The following ARSB variants were observed in gnomAD, a reference collection of about 807,000 sequenced individuals.
ARSB encodes N-acetylgalactosamine-4-sulfatase.
ARSB carries 41 observed loss-of-function variants against 50.9 expected under a neutral mutation model. That is an observed-to-expected ratio of 0.81 (90% confidence interval 0.63 to 1.04). The LOEUF is 1.04. Among genes scored for constraint, ARSB ranks in the 50% least tolerant of loss-of-function variants. The pLI is 0.00. For missense variants in ARSB, 672 were observed against 693.3 expected, an observed-to-expected ratio of 0.97 and a Z score of 0.35; for synonymous variants, 269 against 284.8, an observed-to-expected ratio of 0.94 and a Z score of 0.56.
At chr5:78,851,083 A>G (rs1234626040) in intron 5 of ARSB, among the ~76,000 whole-genome samples, 1 of 151,944 alleles carries the variant, frequency 6.6e-6, no homozygotes. Flanking sequence ...GATCTTAGTT[A>G]TTTCTTGCCT....
At chr5:78,802,554 A>G (rs1234089939) in intron 6 of ARSB, among the ~76,000 whole-genome samples, 4 of 152,234 alleles carry the variant, frequency 2.6e-5, no homozygotes, top group Non-Finnish European at 5.9e-5. Context: ...GAGAGAACAG[A>G]GCAGCAGGCT....
intron 6 of ARSB, among the ~76,000 whole-genome samples, chr5:78,804,811 G>C (rs906754613): frequency 2.0e-5 from 3 of 152,206 alleles, no homozygotes; most frequent in Non-Finnish European, 4.4e-5. Context: ...TGCACGCTGA[G>C]GGAATGGGCA....
Position 78,885,172 on chromosome 5 carries a change from G to C in ARSB, c.1142+412C>G, listed in dbSNP as rs73126633. The C allele has an allele frequency of 7.7e-3, 1,593 of 205,870 alleles. 34 individuals carry two copies. Among genetic ancestry groups the C allele is most frequent in the African/African-American group, 0.034 (1,485 of 43,564 alleles). The allele number at this position is 205,870 out of a possible 1,614,324, so 12.8% of individuals were successfully genotyped here. Reference sequence around the variant, plus strand: ...CATAGTAGGTGCTTGTTAGATACTTGCTAATAAATGGAAATAAACATATCC... The same window carrying C: ...CATAGTAGGTGCTTGTTAGATACTTCCTAATAAATGGAAATAAACATATCC... On this transcript the variant is annotated intron_variant, in intron 5 of 7. Transcript: ENST00000264914.
intron 6 of ARSB, among the ~76,000 whole-genome samples, chr5:78,800,604 T>C (rs1743350932): frequency 6.6e-6 from 1 of 152,260 alleles, no homozygotes; most frequent in Admixed American, 6.5e-5. Flanking sequence ...CAGAAAAACA[T>C]TAAATTAATT....
intron 4 of ARSB, among the ~76,000 whole-genome samples, chr5:78,937,266 T>C (rs961013227): frequency 7.1e-6 from 1 of 141,494 alleles, no homozygotes; most frequent in Non-Finnish European, 1.5e-5. Context: ...TATATATATA[T>C]CTTACATATA....
At chr5:78,937,975 A>AC (rs1173580450) in intron 4 of ARSB, among the ~76,000 whole-genome samples, 1 of 152,186 alleles carries the variant, frequency 6.6e-6, no homozygotes, top group South Asian at 2.1e-4. Flanking sequence ...TATCTGCTAC[A>AC]CCCCCCACCC....
At position 78,955,520 on chromosome 5, in the gene ARSB, G is replaced by T; in HGVS notation, c.691-18C>A. ...AACAGAGGCTGGAAAGAAAGTTTGT[G>T]CAAACCAGTTAAGAGGATATTGAAG... is the stretch of plus-strand genomic sequence containing the variant. On this transcript the variant is annotated intron_variant, in intron 3 of 7. Coordinates refer to ENST00000264914, the MANE Select transcript of ARSB (RefSeq NM_000046.5). 1 of 1,604,588 alleles carries T rather than the reference G, an allele frequency of 6.2e-7. No homozygotes were observed. The highest frequency in any genetic ancestry group is 1.1e-5 in the South Asian group (1 of 90,824).
intron 5 of ARSB, among the ~76,000 whole-genome samples, chr5:78,853,300 T>C (rs572134602): frequency 1.6e-4 from 25 of 152,334 alleles, no homozygotes; most frequent in African/African-American, 5.8e-4. Context: ...TGCAGGTCTG[T>C]TGGAGTTTGC....
intron 1 of ARSB, among the ~76,000 whole-genome samples, chr5:78,971,746 T>A (rs927908494): frequency 6.6e-6 from 1 of 152,192 alleles, no homozygotes; most frequent in African/African-American, 2.4e-5. Context: ...TGGAATATCT[T>A]AAGTGTTAAG....
intron 5 of ARSB, among the ~76,000 whole-genome samples, chr5:78,840,187 G>C (rs753422272): frequency 6.6e-6 from 1 of 152,204 alleles, no homozygotes; most frequent in South Asian, 2.1e-4. Flanking sequence ...CATTTTGCTA[G>C]TGTAGACTCA....
intron 6 of ARSB, among the ~76,000 whole-genome samples, chr5:78,788,149 A>T (rs965025675): frequency 3.9e-5 from 6 of 152,098 alleles, no homozygotes; most frequent in Admixed American, 6.6e-5. Flanking sequence ...AAACAAACAA[A>T]TTTTTCTCGT....
chr5:78,833,028 G>A (rs996612931), intron 6 of ARSB, among the ~76,000 whole-genome samples: 2 of 152,168 alleles, frequency 1.3e-5, no homozygotes, highest in Non-Finnish European at 2.9e-5. Context: ...CCAAGATCAA[G>A]CCCGGCACCT....
In ARSB at chr5:78,985,143, C is replaced by T; in HGVS notation, c.106G>A (p.Gly36Ser). Residue 36 changes from glycine to serine, a missense_variant, in exon 1 of 8, where the codon GGC becomes AGC. Coordinates refer to ENST00000264914, the MANE Select transcript of ARSB (RefSeq NM_000046.5). ...GGCCGGCTGGCCCCGGCGCCCGAGC[C>T]CGGCGGCGCCAACAACAGCAGCAGC... ...LLLLLLLAPP[G>S]SGAGASRPPH... is the part of the protein sequence containing the mutation. 1 of 1,455,904 alleles carries T rather than the reference C, an allele frequency of 6.9e-7. No homozygotes were observed. Among genetic ancestry groups the T allele is most frequent in the Non-Finnish European group, 9.1e-7 (1 of 1,101,638 alleles). 90.2% of individuals were successfully genotyped at this position (1,455,904 alleles called of 1,614,324 possible).
intron 5 of ARSB, among the ~76,000 whole-genome samples, chr5:78,842,238 G>T (rs902065887): frequency 1.3e-5 from 2 of 152,146 alleles, no homozygotes; most frequent in Non-Finnish European, 2.9e-5. Context: ...CAATCTGGGG[G>T]CATGGGACAG....
At chr5:78,944,620 C>G (rs554294789) in intron 4 of ARSB, among the ~76,000 whole-genome samples, 1 of 152,312 alleles carries the variant, frequency 6.6e-6, no homozygotes, top group East Asian at 1.9e-4. Context: ...AATGTTGCTG[C>G]ATGATCATTC....
intron 3 of ARSB, among the ~76,000 whole-genome samples, chr5:78,960,687 C>T (rs1751941273): frequency 6.6e-6 from 1 of 152,132 alleles, no homozygotes; most frequent in Admixed American, 6.5e-5. Flanking sequence ...GCCTCAGCCT[C>T]CTGACTAGCT....
At chr5:78,936,533 A>C (rs1750610375) in intron 4 of ARSB, among the ~76,000 whole-genome samples, 1 of 151,930 alleles carries the variant, frequency 6.6e-6, no homozygotes, top group African/African-American at 2.4e-5. Flanking sequence ...CAAAATGTCA[A>C]GTTGCCCTTA....
In ARSB at chr5:78,802,441, C is replaced by A. The variant is rs185885567; in HGVS notation, c.1214-20467G>T. Among the ~76,000 whole-genome samples the A allele has an allele frequency of 3.5e-3, 538 of 152,234 alleles. 1 individual carries two copies. Among genetic ancestry groups the A allele is most frequent in the Middle Eastern group, 0.014 (4 of 294 alleles). On this transcript the variant is annotated intron_variant, in intron 6 of 7. Transcript: ENST00000264914. Reference sequence around the variant, plus strand: ...TGTACTGTTCATTCAGCACCTAGCACCGTGTGGGTGTTTGAGAAATATTAT... The same window carrying A: ...TGTACTGTTCATTCAGCACCTAGCAACGTGTGGGTGTTTGAGAAATATTAT...
At chr5:78,782,749 C>G (rs1748962787) in intron 6 of ARSB, among the ~76,000 whole-genome samples, 1 of 152,170 alleles carries the variant, frequency 6.6e-6, no homozygotes, top group Non-Finnish European at 1.5e-5. Flanking sequence ...GAGAATACAG[C>G]TTCAGATCTG....
Sources: gnomAD v4.1 joint callset for allele counts (sites outside exome capture counted in the v4.1 genomes callset) on GRCh38, gnomAD v4.1.1 for gene constraint, MANE v1.5 for transcripts, NCBI Gene and HGNC (gene_info 2026-07-23, HGNC 2026-07-21) for gene names.